Variants in CNTNAP5 observed in about 807,000 individuals in gnomAD.
CNTNAP5 encodes the protein contactin associated protein family member 5.
CNTNAP5 carries 72 observed loss-of-function variants against 150.2 expected under a neutral mutation model. The ratio of observed to expected loss-of-function variants is 0.48; its 90% CI spans 0.40 to 0.58. The LOEUF is 0.58. CNTNAP5 is among the 20% of genes least tolerant of loss of function. The pLI is 0.00. For synonymous variants in CNTNAP5, 672 were observed against 619.8 expected, an observed-to-expected ratio of 1.08 and a Z score of -1.25; for missense variants, 1,636 against 1,626.2, an observed-to-expected ratio of 1.01 and a Z score of -0.10.
chr2:124,172,680 C>T (rs754690193), intron 1 of CNTNAP5, among the ~76,000 whole-genome samples: 11 of 152,098 alleles, frequency 7.2e-5, no homozygotes, highest in Non-Finnish European at 1.5e-4. Flanking sequence ...TCCCAAAGTG[C>T]CGGGATTACA....
At chr2:124,439,974 G>A (rs754014610) in intron 5 of CNTNAP5, among the ~76,000 whole-genome samples, 6 of 152,096 alleles carry the variant, frequency 3.9e-5, no homozygotes, top group African/African-American at 7.2e-5. Flanking sequence ...TAGTAAGAGC[G>A]TAAGAAATGA....
intron 5 of CNTNAP5, among the ~76,000 whole-genome samples, chr2:124,439,765 G>T (rs1220164501): frequency 6.6e-6 from 1 of 152,106 alleles, no homozygotes; most frequent in Non-Finnish European, 1.5e-5. Context: ...AAGTTGAAAG[G>T]GGGTACCTTT....
chr2:124,107,726 T>C (rs968621629), intron 1 of CNTNAP5, among the ~76,000 whole-genome samples: 2 of 152,218 alleles, frequency 1.3e-5, no homozygotes, highest in Non-Finnish European at 2.9e-5. Flanking sequence ...GAGACAGGTC[T>C]TTACCAATTT....
At chr2:124,824,061 A>G (rs1341350903) in intron 19 of CNTNAP5, among the ~76,000 whole-genome samples, 2 of 151,410 alleles carry the variant, frequency 1.3e-5, no homozygotes, top group Non-Finnish European at 1.5e-5. Flanking sequence ...GGGATTACAG[A>G]TGCATACCAC....
At chr2:124,217,240 A>C (rs555107969) in intron 1 of CNTNAP5, among the ~76,000 whole-genome samples, 1 of 152,190 alleles carries the variant, frequency 6.6e-6, no homozygotes, top group East Asian at 1.9e-4. Flanking sequence ...TTTTTTCTTA[A>C]AATTCAAATA....
intron 22 of CNTNAP5, among the ~76,000 whole-genome samples, chr2:124,904,072 A>C (rs1423128517): frequency 1.3e-5 from 2 of 150,832 alleles, no homozygotes; most frequent in African/African-American, 2.4e-5. Flanking sequence ...AAACAAAAAA[A>C]AAAAAACCAA....
At chr2:124,683,393 T>G (rs1159129088) in intron 13 of CNTNAP5, among the ~76,000 whole-genome samples, 3 of 152,212 alleles carry the variant, frequency 2.0e-5, no homozygotes, top group African/African-American at 7.2e-5. Flanking sequence ...AAAACAGTTT[T>G]TATTTCAGTT....
At chr2:124,236,519 A>T (rs546911634) in intron 2 of CNTNAP5, among the ~76,000 whole-genome samples, 1 of 152,174 alleles carries the variant, frequency 6.6e-6, no homozygotes, top group East Asian at 1.9e-4. Flanking sequence ...ATGTCTGTGA[A>T]TGTTGTTATT....
At position 124,324,365 on chromosome 2, in the gene CNTNAP5, G is replaced by A. The variant is rs147839775; in HGVS notation, c.381+81972G>A. On this transcript the variant is annotated intron_variant, in intron 3 of 23. Coordinates refer to ENST00000682447, the MANE Select transcript of CNTNAP5 (RefSeq NM_001367498.1). ...ATTGACTGTTGGGCACAGAGCCCTTGTAATGAAATGTCTAGGCCATAGATG... is the reference window on the plus strand; with the variant it reads ...ATTGACTGTTGGGCACAGAGCCCTTATAATGAAATGTCTAGGCCATAGATG... 4.6e-5 allele frequency among the ~76,000 whole-genome samples: 7 copies of A among 152,326 alleles called. No homozygotes were observed. The East Asian group carries it at 1.4e-3, about 29-fold the overall frequency.
At chr2:124,678,479 C>CA (rs763303745) in intron 13 of CNTNAP5, among the ~76,000 whole-genome samples, 5 of 151,702 alleles carry the variant, frequency 3.3e-5, no homozygotes, top group Admixed American at 6.7e-5. Flanking sequence ...TCACCGAGAG[C>CA]ATTCCTTTTC....
At chr2:124,029,493 T>G (rs1460028947) in intron 1 of CNTNAP5, among the ~76,000 whole-genome samples, 2 of 152,008 alleles carry the variant, frequency 1.3e-5, no homozygotes, top group African/African-American at 4.8e-5. Flanking sequence ...AAAACTAAAT[T>G]GATATTTCTG....
chr2:124,369,271 C>A lies in CNTNAP5; in HGVS notation c.382-48172C>A, dbSNP rs1183020641. Among the ~76,000 whole-genome samples, 6 of 152,120 alleles carry A rather than the reference C, an allele frequency of 3.9e-5. No individual in the cohort carries two copies. The East Asian group carries it at 1.2e-3, about 29-fold the overall frequency. ...TTTTCATAGAAAGAAACCTTGGAGG[C>A]CACTGAGCCTAATGGAAAGAGAACT... On this transcript the variant is annotated intron_variant, in intron 3 of 23. Coordinates refer to ENST00000682447, the MANE Select transcript of CNTNAP5 (RefSeq NM_001367498.1).
At chr2:124,115,377 T>C (rs1259313799) in intron 1 of CNTNAP5, among the ~76,000 whole-genome samples, 2 of 152,172 alleles carry the variant, frequency 1.3e-5, no homozygotes, top group South Asian at 2.1e-4. Flanking sequence ...ACTCAGGGTA[T>C]TGGAAATAAA....
At chr2:124,820,011 G>T (rs2104668055) in intron 19 of CNTNAP5, among the ~76,000 whole-genome samples, 1 of 152,260 alleles carries the variant, frequency 6.6e-6, no homozygotes, top group Non-Finnish European at 1.5e-5. Context: ...TATTTGATTT[G>T]CAGAACAACA....
At chr2:124,426,569 G>A (rs1015660579) in intron 4 of CNTNAP5, among the ~76,000 whole-genome samples, 4 of 152,228 alleles carry the variant, frequency 2.6e-5, no homozygotes, top group African/African-American at 7.2e-5. Context: ...GATTGTCTCA[G>A]GGTGAATCGA....
intron 19 of CNTNAP5, among the ~76,000 whole-genome samples, chr2:124,801,841 A>C (rs981487534): frequency 6.6e-6 from 1 of 152,166 alleles, no homozygotes; most frequent in Admixed American, 6.5e-5. Flanking sequence ...AAAAAAAAAT[A>C]CCTGTGAAAA....
intron 10 of CNTNAP5, 32 bp from the exon 11 acceptor site, chr2:124,563,185 A>C: frequency 7.1e-7 from 1 of 1,411,526 alleles, no homozygotes; most frequent in Non-Finnish European, 9.8e-7. Context: ...GATTTGGTTT[A>C]TTTTCTTTTC....
intron 11 of CNTNAP5, among the ~76,000 whole-genome samples, chr2:124,588,184 CT>C (rs1558966057): frequency 0.058 from 6,569 of 114,210 alleles, 247 homozygotes; most frequent in East Asian, 0.14. Context: ...TTCCTTCTTT[CT>C]TTCTTTCTTT....
intron 3 of CNTNAP5, among the ~76,000 whole-genome samples, chr2:124,263,435 C>T: frequency 6.6e-6 from 1 of 152,194 alleles, no homozygotes; most frequent in Non-Finnish European, 1.5e-5. Flanking sequence ...CTTTTGGCTG[C>T]ATAAAGACGT....
Sources: gnomAD v4.1 joint callset for allele counts (sites outside exome capture counted in the v4.1 genomes callset) on GRCh38, gnomAD v4.1.1 for gene constraint, MANE v1.5 for transcripts, NCBI Gene and HGNC (gene_info 2026-07-23, HGNC 2026-07-21) for gene names.